The following ULK4 variants were observed in gnomAD, a reference collection of about 807,000 sequenced individuals.
ULK4 encodes the protein inactive serine/threonine-protein kinase ULK4.
In ULK4, 133 loss-of-function variants were observed where a neutral mutation model predicts 160.6. The ratio of observed to expected loss-of-function variants is 0.83; its 90% confidence interval spans 0.72 to 0.96. ULK4 has a LOEUF of 0.96. ULK4 is among the 40% of genes least tolerant of loss of function. The pLI is 0.00. For missense variants in ULK4, 1,580 were observed against 1,499.5 expected (o/e 1.05, Z -0.89); for synonymous variants, 534 against 539.8 (o/e 0.99, Z 0.15).
At position 41,622,673 on chromosome 3, in the gene ULK4, G is replaced by A. The variant is rs551092902; in HGVS notation, c.3072-6956C>T. Among the ~76,000 whole-genome samples, 3 of 152,168 alleles carry A rather than the reference G, an allele frequency of 2.0e-5. No individual in the cohort carries two copies. The South Asian group carries it at 6.2e-4, about 32-fold the overall frequency. On this transcript the variant is annotated intron_variant, in intron 30 of 36. Coordinates refer to ENST00000301831, the MANE Select transcript of ULK4 (RefSeq NM_017886.4). ...ATGCAGAGCTTAAAACCGAGATGAT[G>A]GGTTGATAGGTGTAGCAAACCACCA... is the stretch of plus-strand genomic sequence containing the variant.
At chr3:41,799,677 C>T (rs911139097) in intron 20 of ULK4, among the ~76,000 whole-genome samples, 3 of 152,072 alleles carry the variant, frequency 2.0e-5, no homozygotes, top group African/African-American at 7.2e-5. Context: ...GCCTGGGCAA[C>T]ATGACAAGAC....
intron 35 of ULK4, among the ~76,000 whole-genome samples, chr3:41,370,206 A>ATTTG (rs776559567): frequency 1.3e-5 from 2 of 152,212 alleles, no homozygotes; most frequent in African/African-American, 2.4e-5. Flanking sequence ...ATTAAAAAAA[A>ATTTG]AAGCAAGTGG....
chr3:41,579,129 G>A (rs1348554625), intron 31 of ULK4, among the ~76,000 whole-genome samples: 2 of 152,172 alleles, frequency 1.3e-5, no homozygotes, highest in Non-Finnish European at 1.5e-5. Flanking sequence ...AATGGAATGA[G>A]GAAATGGGAA....
chr3:41,289,546 T>C (rs2079519836), intron 35 of ULK4, among the ~76,000 whole-genome samples: 1 of 152,200 alleles, frequency 6.6e-6, no homozygotes, highest in South Asian at 2.1e-4. Flanking sequence ...TGTTGACAAA[T>C]GGCCAAGACT....
Position 41,715,583 on chromosome 3 carries a change from C to A in ULK4, c.2456-15G>T. 1.2e-6 allele frequency: 2 copies of A among 1,613,968 alleles called. No homozygotes were observed. On this transcript the variant is annotated splice_polypyrimidine_tract_variant and intron_variant, in intron 23 of 36. Transcript: ENST00000301831. ...AAGAATGTCACCTGTGAAGCACAGC[C>A]CAGAGCATATGTGGAGGTTAAAAAC...
At chr3:41,385,976 G>T (rs530768493) in intron 35 of ULK4, among the ~76,000 whole-genome samples, 1 of 152,044 alleles carries the variant, frequency 6.6e-6, no homozygotes, top group Admixed American at 6.6e-5. Context: ...TTTCCAAATC[G>T]CAAGCCTGGA....
intron 30 of ULK4, among the ~76,000 whole-genome samples, chr3:41,637,773 G>A (rs2034017773): frequency 6.6e-6 from 1 of 152,116 alleles, no homozygotes; most frequent in African/African-American, 2.4e-5. Flanking sequence ...GTTTTAATCT[G>A]CATTTCCCTG....
intron 17 of ULK4, among the ~76,000 whole-genome samples, chr3:41,872,718 G>C (rs1171309306): frequency 1.3e-5 from 2 of 151,942 alleles, no homozygotes; most frequent in Non-Finnish European, 2.9e-5. Context: ...CACGAGCCCA[G>C]GCCTGGTTTT....
intron 34 of ULK4, among the ~76,000 whole-genome samples, chr3:41,451,247 G>A (rs1001269230): frequency 3.9e-5 from 6 of 151,952 alleles, no homozygotes; most frequent in Admixed American, 1.3e-4. Context: ...GGAACAAGAG[G>A]GGGCCTTTGG....
chr3:41,284,749 A>C (rs984759895), intron 35 of ULK4, among the ~76,000 whole-genome samples: 11 of 152,346 alleles, frequency 7.2e-5, no homozygotes, highest in Admixed American at 2.6e-4. Flanking sequence ...AGTAGCTGGG[A>C]CTTAATTAAA....
intron 32 of ULK4, among the ~76,000 whole-genome samples, chr3:41,532,576 A>G (rs2077823861): frequency 1.3e-5 from 2 of 152,174 alleles, no homozygotes; most frequent in South Asian, 2.1e-4. Flanking sequence ...CAATACCTAC[A>G]AATATCTGTT....
chr3:41,549,325 T>A (rs2086981510), intron 32 of ULK4, among the ~76,000 whole-genome samples: 1 of 152,028 alleles, frequency 6.6e-6, no homozygotes, highest in Admixed American at 6.6e-5. Flanking sequence ...TCAATGAGAA[T>A]TTCAACAAAG....
intron 32 of ULK4, among the ~76,000 whole-genome samples, chr3:41,547,112 C>T (rs1691964): frequency 0.51 from 77,657 of 151,998 alleles, 19,955 homozygotes; most frequent in Middle Eastern, 0.57. Flanking sequence ...TGCATACCTT[C>T]TCAGGAGCAC....
chr3:41,594,932 A>C (rs975281495), intron 31 of ULK4, among the ~76,000 whole-genome samples: 2 of 152,076 alleles, frequency 1.3e-5, no homozygotes, highest in Non-Finnish European at 2.9e-5. Context: ...AGAAAGGCCG[A>C]TCCCAGACTG....
chr3:41,655,266 C>G (rs367548066), intron 30 of ULK4, among the ~76,000 whole-genome samples: 1 of 150,966 alleles, frequency 6.6e-6, no homozygotes, highest in Non-Finnish European at 1.5e-5. Context: ...TCTCAGCAAA[C>G]TATCGCAAGG....
At chr3:41,729,720 G>A (rs114599181) in intron 22 of ULK4, among the ~76,000 whole-genome samples, 1,886 of 152,292 alleles carry the variant, frequency 0.012, 38 homozygotes, top group African/African-American at 0.041. Flanking sequence ...CCTTGATGTA[G>A]TGCATGAGAC....
chr3:41,561,854 G>A (rs1342896688), intron 32 of ULK4, among the ~76,000 whole-genome samples: 1 of 151,952 alleles, frequency 6.6e-6, no homozygotes, highest in Non-Finnish European at 1.5e-5. Context: ...TTGCGTCTCT[G>A]TCTCCTTCAG....
intron 35 of ULK4, among the ~76,000 whole-genome samples, chr3:41,380,455 G>A (rs74384585): frequency 3.3e-5 from 5 of 152,104 alleles, no homozygotes; most frequent in Non-Finnish European, 7.4e-5. Context: ...TTACCATACC[G>A]TCAGAGTAAG....
chr3:41,733,140 G>A (rs1253202283), intron 22 of ULK4, among the ~76,000 whole-genome samples: 4 of 151,930 alleles, frequency 2.6e-5, no homozygotes, highest in East Asian at 1.9e-4. Flanking sequence ...AATAATAAAC[G>A]TTTGCAGTGA....
Sources: allele counts gnomAD v4.1 joint callset (sites outside exome capture counted in the v4.1 genomes callset), GRCh38; gene constraint gnomAD v4.1.1; transcripts MANE v1.5; gene names NCBI Gene and HGNC (gene_info 2026-07-23, HGNC 2026-07-21).